The following NUP153 variants were observed in gnomAD, a reference collection of about 807,000 sequenced individuals.
NUP153 encodes the protein nucleoporin 153, also known as nuclear pore complex protein Nup153.
In NUP153, 27 loss-of-function variants were observed where a neutral mutation model predicts 134.6. The observed-to-expected ratio is 0.20, with a 90% confidence interval of 0.15 to 0.28. The LOEUF (loss-of-function observed/expected upper bound fraction) is 0.28. Among genes scored for constraint, NUP153 ranks in the 10% least tolerant of loss-of-function variants. The pLI is 1.00. For synonymous variants in NUP153, 640 were observed against 623.5 expected (o/e 1.03, Z -0.40); for missense variants, 1,821 against 1,731.3 (o/e 1.05, Z -0.92).
intron 1 of NUP153, among the ~76,000 whole-genome samples, chr6:17,691,570 G>A (rs906195801): frequency 2.6e-5 from 4 of 152,110 alleles, no homozygotes; most frequent in African/African-American, 9.7e-5. Context: ...CTGGAGACCA[G>A]CCTGGCCAAC....
chr6:17,668,620 A>G (rs977295992), intron 8 of NUP153, among the ~76,000 whole-genome samples: 1 of 152,078 alleles, frequency 6.6e-6, no homozygotes, highest in Non-Finnish European at 1.5e-5. Flanking sequence ...CGGCAGGCAG[A>G]TCACCTGAGC....
At chr6:17,662,803 A>G (rs1767274281) in intron 9 of NUP153, among the ~76,000 whole-genome samples, 1 of 152,236 alleles carries the variant, frequency 6.6e-6, no homozygotes, top group Non-Finnish European at 1.5e-5. Context: ...TTCACTGCCA[A>G]AAGTAGGTAA....
chr6:17,681,317 C>T (rs1473265789), intron 2 of NUP153, among the ~76,000 whole-genome samples: 1 of 151,914 alleles, frequency 6.6e-6, no homozygotes, highest in African/African-American at 2.4e-5. Flanking sequence ...TACCAGAAGG[C>T]GGCTCATGCC....
At chr6:17,633,703 A>G (rs1404186324) in intron 16 of NUP153, among the ~76,000 whole-genome samples, 1 of 152,192 alleles carries the variant, frequency 6.6e-6, no homozygotes, top group Non-Finnish European at 1.5e-5. Context: ...ACGGCTTGGT[A>G]AGGCCCAAAA....
At position 17,638,119 on chromosome 6, in the gene NUP153, G is replaced by A. The variant is rs1765658011; in HGVS notation, c.1847-349C>T. Among the ~76,000 whole-genome samples the A allele has an allele frequency of 6.6e-6, 1 of 152,150 alleles. No homozygotes were observed. The highest frequency in any genetic ancestry group is 6.5e-5 in the Admixed American group (1 of 15,272). On this transcript the variant is annotated intron_variant, in intron 15 of 21. Coordinates refer to ENST00000262077, the MANE Select transcript of NUP153 (RefSeq NM_005124.4). The surrounding 1 kb of genome is among the most constrained non-coding windows in gnomAD (Gnocchi z 4.0). ...TCTCTACAAACACACAATACTCGCAGTCCTCTTTCTCCTTCATCCATTTCT... is the reference window on the plus strand; with the variant it reads ...TCTCTACAAACACACAATACTCGCAATCCTCTTTCTCCTTCATCCATTTCT...
intron 16 of NUP153, among the ~76,000 whole-genome samples, chr6:17,636,874 C>T (rs1029337825): frequency 2.0e-5 from 3 of 152,184 alleles, no homozygotes; most frequent in Non-Finnish European, 4.4e-5. Context: ...TAAGATCTTT[C>T]AGAATCTGTA....
chr6:17,621,954 T>TTTA, intron 20 of NUP153, among the ~76,000 whole-genome samples: 1 of 152,276 alleles, frequency 6.6e-6, no homozygotes, highest in African/African-American at 2.4e-5. Flanking sequence ...AATGAAAAAC[T>TTTA]TTAAAATATT....
intron 5 of NUP153, among the ~76,000 whole-genome samples, chr6:17,673,485 A>G (rs796452534): frequency 3.3e-5 from 5 of 152,362 alleles, no homozygotes; most frequent in African/African-American, 1.2e-4. Context: ...AAATTTATTA[A>G]TAAGAAAATA....
At chr6:17,635,355 C>T (rs780912689) in intron 16 of NUP153, among the ~76,000 whole-genome samples, 3 of 151,974 alleles carry the variant, frequency 2.0e-5, no homozygotes, top group Non-Finnish European at 4.4e-5. Flanking sequence ...GTGATCCACT[C>T]GCCTCGGCCT....
At chr6:17,661,864 A>C (rs1450711345) in intron 10 of NUP153, 85 bp from the exon 11 acceptor site, 2 of 1,340,034 alleles carry the variant, frequency 1.5e-6, no homozygotes, top group Non-Finnish European at 2.1e-6. Flanking sequence ...AAGTAAAAAA[A>C]AAATATACAG....
chr6:17,697,089 C>G (rs563056473), intron 1 of NUP153, among the ~76,000 whole-genome samples: 1 of 151,908 alleles, frequency 6.6e-6, no homozygotes, highest in Non-Finnish European at 1.5e-5. Context: ...AAAAATTAAT[C>G]TTAAAAAATA....
At chr6:17,668,652 A>G (rs1391253973) in intron 8 of NUP153, among the ~76,000 whole-genome samples, 1 of 151,858 alleles carries the variant, frequency 6.6e-6, no homozygotes, top group African/African-American at 2.4e-5. Flanking sequence ...AGACCAGTCT[A>G]GCCAAAACGG....
chr6:17,692,390 T>C (rs1769334662), intron 1 of NUP153, among the ~76,000 whole-genome samples: 1 of 152,192 alleles, frequency 6.6e-6, no homozygotes, highest in African/African-American at 2.4e-5. Flanking sequence ...GGCACAGGCC[T>C]GTAGTCTTAG....
In NUP153 at chr6:17,624,586, A is replaced by T. The variant is rs900975011; in HGVS notation, c.4149T>A (p.Phe1383Leu). Residue 1383 changes from phenylalanine to leucine, a missense_variant, in exon 20 of 22, where the codon TTT (phenylalanine) becomes TTA (leucine). By Grantham distance (22) the Phe-to-Leu change is conservative (BLOSUM62 0). Transcript: ENST00000262077. ...TAGAATTAGGAGTTGTTCCAGAGCC[A>T]AATGCAGACTGACTAGGTTGCTGTC... ...VFGQQPSQSA[F>L]GSGTTPNSSS... The T allele has an allele frequency of 1.2e-6, 2 of 1,614,204 alleles. No homozygotes were observed. Among genetic ancestry groups the T allele is most frequent in the Non-Finnish European group, 1.7e-6 (2 of 1,180,038 alleles).
At chr6:17,617,921 T>G (rs1237038922) in intron 20 of NUP153, among the ~76,000 whole-genome samples, 1 of 152,130 alleles carries the variant, frequency 6.6e-6, no homozygotes, top group Non-Finnish European at 1.5e-5. Context: ...GTTTAGTGTT[T>G]TAGTCTTTGT....
At chr6:17,702,191 T>C (rs1041328484) in intron 1 of NUP153, among the ~76,000 whole-genome samples, 2 of 152,176 alleles carry the variant, frequency 1.3e-5, no homozygotes, top group East Asian at 3.8e-4. Context: ...TTCAGTTACC[T>C]ATTCACTCTC....
At chr6:17,666,725 C>G (rs1767553704) in intron 8 of NUP153, among the ~76,000 whole-genome samples, 1 of 152,170 alleles carries the variant, frequency 6.6e-6, no homozygotes, top group Admixed American at 6.6e-5. Context: ...GTTTTGTTAA[C>G]AGTCCTTTGC....
At chr6:17,681,965 TA>T (rs1482609060) in intron 2 of NUP153, among the ~76,000 whole-genome samples, 1 of 151,856 alleles carries the variant, frequency 6.6e-6, no homozygotes, top group East Asian at 1.9e-4. Flanking sequence ...CCAGCACTTT[TA>T]GGAGGCTGAG....
Position 17,675,676 on chromosome 6 carries a change from G to T in NUP153, c.429C>A (p.Ser143=), listed in dbSNP as rs1768183456. 6.2e-7 allele frequency: 1 copy of T among 1,614,102 alleles called. No homozygotes were observed. The change falls in exon 3 of 22, where the codon TCC becomes TCA. Residue 143 remains serine (S), a synonymous_variant. Coordinates refer to ENST00000262077, the MANE Select transcript of NUP153 (RefSeq NM_005124.4). This position sits in a 1 kb window ranked among gnomAD's most constrained non-coding sequence, Gnocchi z 4.4. The stretch of plus-strand genomic sequence containing the variant: ...TAGATGGCTGACAGTGTAATGCAGG[G>T]GATTCCAACATGGAAAAATTCAGAT... The part of the protein sequence containing the change: ...RSHLNFSMLE[S]PALHCQPSTS...
Sources: gnomAD v4.1 joint callset for allele counts (sites outside exome capture counted in the v4.1 genomes callset) on GRCh38, gnomAD v4.1.1 for gene constraint, Gnocchi (gnomAD v3.1) non-coding constraint, MANE v1.5 for transcripts, NCBI Gene and HGNC (gene_info 2026-07-23, HGNC 2026-07-21) for gene names.